The following KIF26B variants were observed in gnomAD, a reference collection of about 807,000 sequenced individuals.
The protein encoded by KIF26B is kinesin-like protein KIF26B.
Under a neutral mutation model 151.2 loss-of-function variants are expected in KIF26B, and 63 were observed. The ratio of observed to expected loss-of-function variants is 0.42; its 90% CI spans 0.34 to 0.51. KIF26B has a LOEUF of 0.51. Among genes scored for constraint, KIF26B ranks in the 20% least tolerant of loss-of-function variants. The pLI is 0.07. For synonymous variants in KIF26B, 1,357 were observed against 1,262.1 expected, an observed-to-expected ratio of 1.08 and a Z score of -1.59; for missense variants, 2,813 against 2,913.6, an observed-to-expected ratio of 0.97 and a Z score of 0.79.
intron 10 of KIF26B, among the ~76,000 whole-genome samples, chr1:245,677,243 T>C (rs1210812855): frequency 6.6e-6 from 1 of 152,194 alleles, no homozygotes; most frequent in African/African-American, 2.4e-5. Context: ...TAAGCTCTCC[T>C]TGATGAGACA....
At chr1:245,555,500 T>A (rs571418994) in intron 5 of KIF26B, among the ~76,000 whole-genome samples, 1 of 152,144 alleles carries the variant, frequency 6.6e-6, no homozygotes, top group East Asian at 1.9e-4. Context: ...ACTCAAAACT[T>A]CCAGGAGGGA....
intron 2 of KIF26B, among the ~76,000 whole-genome samples, chr1:245,342,005 A>G (rs1672343649): frequency 6.6e-6 from 1 of 152,224 alleles, no homozygotes; most frequent in Admixed American, 6.5e-5. Flanking sequence ...CTCAGACCAC[A>G]TACCAAGTTG....
chr1:245,197,042 G>A lies in KIF26B; in HGVS notation c.465+40359G>A, dbSNP rs542693438. 1.1e-4 allele frequency among the ~76,000 whole-genome samples: 16 copies of A among 152,258 alleles called. No homozygotes were observed. In the South Asian group the frequency reaches 3.1e-3, roughly 30 times the overall value. ...CGCATTTGGAGATGTTGGCAAGTGC[G>A]TCGAGCCACTCAGAGGGCACGGATT... is the stretch of plus-strand genomic sequence containing the variant. On this transcript the variant is annotated intron_variant, in intron 2 of 14. Transcript: ENST00000407071.
chr1:245,275,927 A>G (rs1320909921), intron 2 of KIF26B, among the ~76,000 whole-genome samples: 2 of 152,180 alleles, frequency 1.3e-5, no homozygotes, highest in African/African-American at 2.4e-5. Flanking sequence ...TTATTCTTTC[A>G]GCACTTTGAA....
chr1:245,304,773 T>G (rs1355829266), intron 2 of KIF26B, among the ~76,000 whole-genome samples: 3 of 152,068 alleles, frequency 2.0e-5, no homozygotes, highest in African/African-American at 7.2e-5. Context: ...TGTTTGAGGC[T>G]GCAGTGAGCT....
At chr1:245,392,422 A>T (rs1486602050) in intron 3 of KIF26B, among the ~76,000 whole-genome samples, 1 of 152,190 alleles carries the variant, frequency 6.6e-6, no homozygotes, top group Non-Finnish European at 1.5e-5. Flanking sequence ...TACAAAAGGG[A>T]TACATTTTTT....
intron 2 of KIF26B, among the ~76,000 whole-genome samples, chr1:245,232,023 C>G (rs1670009262): frequency 6.6e-6 from 1 of 152,166 alleles, no homozygotes; most frequent in Non-Finnish European, 1.5e-5. Context: ...GGAAATTTGT[C>G]AAAATAACTG....
chr1:245,482,668 G>T (rs1485722753), intron 4 of KIF26B, among the ~76,000 whole-genome samples: 1 of 151,750 alleles, frequency 6.6e-6, no homozygotes, highest in Non-Finnish European at 1.5e-5. Context: ...GCCCATGGAG[G>T]ACTCACCTCA....
chr1:245,468,720 T>C (rs1401699090), intron 4 of KIF26B, among the ~76,000 whole-genome samples: 1 of 152,132 alleles, frequency 6.6e-6, no homozygotes, highest in Admixed American at 6.5e-5. Context: ...GGCTTTGTTA[T>C]TGAATTGAGT....
chr1:245,579,140 C>G (rs148246444), intron 5 of KIF26B, among the ~76,000 whole-genome samples: 3,257 of 152,254 alleles, frequency 0.021, 60 homozygotes, highest in Admixed American at 0.038. Flanking sequence ...TTCCTAGCCA[C>G]CTGGTCATAA....
intron 5 of KIF26B, among the ~76,000 whole-genome samples, chr1:245,579,718 C>G (rs2043156337): frequency 6.6e-6 from 1 of 151,784 alleles, no homozygotes; most frequent in Non-Finnish European, 1.5e-5. Context: ...TGTGGTGGCA[C>G]ATGCCTGTAA....
At chr1:245,285,277 C>G (rs1320868220) in intron 2 of KIF26B, among the ~76,000 whole-genome samples, 2 of 152,162 alleles carry the variant, frequency 1.3e-5, no homozygotes, top group Non-Finnish European at 2.9e-5. Flanking sequence ...TGAGCAGAAA[C>G]ATGCAATGCC....
intron 2 of KIF26B, among the ~76,000 whole-genome samples, chr1:245,305,464 A>G (rs1358781837): frequency 6.6e-6 from 1 of 152,248 alleles, no homozygotes. Context: ...AAGAAGATAT[A>G]CAGATGGCCA....
Position 245,361,383 on chromosome 1 carries a change from C to T in KIF26B, c.466-5451C>T, listed in dbSNP as rs78408092. ...TGCGGTCTGACATTTAACATTTCCT[C>T]CTCTGGAGAGTGTTTTTTTCTTTTT... On this transcript the variant is annotated intron_variant, in intron 2 of 14. Coordinates refer to ENST00000407071, the MANE Select transcript of KIF26B (RefSeq NM_018012.4). Among the ~76,000 whole-genome samples, 565 of 152,358 alleles carry T rather than the reference C, an allele frequency of 3.7e-3. 3 individuals are homozygous for T. Among genetic ancestry groups the T allele is most frequent in the African/African-American group, 0.013 (542 of 41,588 alleles).
At chr1:245,643,343 C>T (rs2043913521) in intron 9 of KIF26B, among the ~76,000 whole-genome samples, 1 of 152,032 alleles carries the variant, frequency 6.6e-6, no homozygotes, top group Admixed American at 6.6e-5. Context: ...GTTCCAATTT[C>T]CATCTTCTGT....
At chr1:245,184,851 A>G (rs1407434399) in intron 2 of KIF26B, among the ~76,000 whole-genome samples, 2 of 152,198 alleles carry the variant, frequency 1.3e-5, no homozygotes, top group African/African-American at 4.8e-5. Context: ...GCTTCCTCCT[A>G]AATCTGAGAT....
chr1:245,261,304 T>C (rs1670633319), intron 2 of KIF26B, among the ~76,000 whole-genome samples: 2 of 151,956 alleles, frequency 1.3e-5, no homozygotes, highest in Admixed American at 6.6e-5. Context: ...GCTAATTTTG[T>C]ATTTTTAGTA....
At chr1:245,297,571 T>C (rs769559602) in intron 2 of KIF26B, among the ~76,000 whole-genome samples, 13 of 152,250 alleles carry the variant, frequency 8.5e-5, no homozygotes, top group Non-Finnish European at 1.9e-4. Flanking sequence ...CACAATTGTC[T>C]TTTGAAAGCC....
intron 2 of KIF26B, among the ~76,000 whole-genome samples, chr1:245,200,935 T>C (rs554336540): frequency 6.6e-6 from 1 of 152,384 alleles, no homozygotes; most frequent in Admixed American, 6.5e-5. Context: ...TTGATGCCTC[T>C]TTATTCTTGT....
Sources: gnomAD v4.1 joint callset for allele counts (sites outside exome capture counted in the v4.1 genomes callset) on GRCh38, gnomAD v4.1.1 for gene constraint, MANE v1.5 for transcripts, NCBI Gene and HGNC (gene_info 2026-07-23, HGNC 2026-07-21) for gene names.